RIC3: variants seen among roughly 807,000 people sequenced by gnomAD.
RIC3 encodes protein RIC-3.
Under a neutral mutation model 27.3 loss-of-function variants are expected in RIC3, and 28 were observed. That is an observed-to-expected ratio of 1.02 (90% CI 0.76 to 1.41). The LOEUF (loss-of-function observed/expected upper bound fraction) is 1.41. RIC3 is among the 40% of genes most tolerant of loss of function. The pLI, the probability that RIC3 is intolerant of heterozygous loss-of-function variation, is 0.00. For synonymous variants in RIC3, 184 were observed against 160.4 expected (o/e 1.15, Z -1.11); for missense variants, 501 against 444.7 (o/e 1.13, Z -1.14).
intron 1 of RIC3, among the ~76,000 whole-genome samples, chr11:8,144,939 C>CA (rs1374105364): frequency 7.1e-6 from 1 of 141,182 alleles, no homozygotes; most frequent in East Asian, 2.1e-4. Context: ...AACAAAAAAC[C>CA]AAACACCGCA....
the RIC3 span, among the ~76,000 whole-genome samples, chr11:8,099,159 G>A: frequency 1.3e-5 from 2 of 152,010 alleles, no homozygotes; most frequent in Admixed American, 6.5e-5. Flanking sequence ...GGAGACGGTC[G>A]CCCTGGGTTC....
chr11:8,135,164 G>A (rs1948239407), intron 4 of RIC3, among the ~76,000 whole-genome samples: 1 of 152,152 alleles, frequency 6.6e-6, no homozygotes, highest in African/African-American at 2.4e-5. Context: ...TTTGTATAAG[G>A]TGTAAGGAAG....
chr11:8,152,054 C>A (rs1950290043), intron 1 of RIC3, among the ~76,000 whole-genome samples: 1 of 152,098 alleles, frequency 6.6e-6, no homozygotes, highest in Non-Finnish European at 1.5e-5. Context: ...CGAGGAGATA[C>A]CACTTCACAC....
At position 8,156,923 on chromosome 11, in the gene RIC3, A is replaced by T. The variant is rs553660807; in HGVS notation, c.124+11943T>A. The stretch of plus-strand genomic sequence containing the variant: ...ACAAAAACAGGTAACATTTTCCACT[A>T]AACACCATCTCTATCCAATTTTATT... On this transcript the variant is annotated intron_variant, in intron 1 of 5. Transcript: ENST00000309737. Among the ~76,000 whole-genome samples, 25 of 152,322 alleles carry T rather than the reference A, an allele frequency of 1.6e-4. No individual in the cohort carries two copies. The South Asian group carries it at 5.2e-3, about 32-fold the overall frequency.
At chr11:8,101,114 A>G, downstream of RIC3, 1 of 1,254,026 alleles carries the variant, frequency 8.0e-7, no homozygotes, top group Non-Finnish European at 1.1e-6. Context: ...TGAGCTATAC[A>G]GCTAAGGTTA....
At chr11:8,144,251 A>C (rs912318433) in intron 1 of RIC3, among the ~76,000 whole-genome samples, 3 of 150,634 alleles carry the variant, frequency 2.0e-5, no homozygotes, top group Admixed American at 6.6e-5. Context: ...CAACCTACAA[A>C]ATGGGAGAAA....
At chr11:8,163,048 C>T (rs1255565367) in intron 1 of RIC3, among the ~76,000 whole-genome samples, 11 of 129,486 alleles carry the variant, frequency 8.5e-5, no homozygotes, top group Non-Finnish European at 1.5e-4. Flanking sequence ...CACACACACA[C>T]ACATACACAC....
At chr11:8,101,608 G>A, downstream of RIC3, 1 of 1,614,232 alleles carries the variant, frequency 6.2e-7, no homozygotes, top group South Asian at 1.1e-5. Flanking sequence ...CAGCAAGCTG[G>A]CGTGCGAGTA....
intron 4 of RIC3, among the ~76,000 whole-genome samples, chr11:8,133,684 C>A (rs1377451640): frequency 6.6e-6 from 1 of 152,162 alleles, no homozygotes. Context: ...TGAGACAGTA[C>A]AACTCCAGAT....
chr11:8,136,970 T>C (rs2133856618), intron 4 of RIC3, among the ~76,000 whole-genome samples: 1 of 152,276 alleles, frequency 6.6e-6, no homozygotes, highest in African/African-American at 2.4e-5. Context: ...TGACAGTACA[T>C]AAAATGAAAA....
At position 8,110,761 on chromosome 11, in the gene RIC3, G is replaced by T. The variant is rs770980886; in HGVS notation, c.1047C>A (p.Ile349=). Reference sequence around the variant, plus strand: ...TGCCTGTATATGCTTTATCGGTGCTGATGCCCAACCCTTCATCTTTAAAGT... The same window carrying T: ...TGCCTGTATATGCTTTATCGGTGCTTATGCCCAACCCTTCATCTTTAAAGT... The part of the protein sequence containing the change: ...SQDFKDEGLG[I]STDKAYTGSM... Residue 349 remains isoleucine, a synonymous_variant, in exon 6 of 6, where the codon ATC becomes ATA. Transcript: ENST00000309737. 8.1e-6 allele frequency: 13 copies of T among 1,614,210 alleles called. No individual in the cohort carries two copies. Among genetic ancestry groups the T allele is most frequent in the Non-Finnish European group, 1.1e-5 (13 of 1,180,038 alleles).
chr11:8,120,568 C>A (rs552806795), intron 5 of RIC3, among the ~76,000 whole-genome samples: 1 of 152,040 alleles, frequency 6.6e-6, no homozygotes. Flanking sequence ...AGGAGAAATA[C>A]CTAATGTAAA....
At chr11:8,160,171 G>C (rs891820504) in intron 1 of RIC3, among the ~76,000 whole-genome samples, 3 of 152,092 alleles carry the variant, frequency 2.0e-5, no homozygotes, top group African/African-American at 7.2e-5. Flanking sequence ...TGTTTTTAGA[G>C]ATGCATACTG....
chr11:8,133,981 CTTTT>C (rs879399283), intron 4 of RIC3, among the ~76,000 whole-genome samples: 1 of 145,116 alleles, frequency 6.9e-6, no homozygotes, highest in African/African-American at 2.5e-5. Flanking sequence ...CTATGGTTTT[CTTTT>C]TTTTTTTAAT....
intron 5 of RIC3, among the ~76,000 whole-genome samples, chr11:8,122,219 G>A (rs1272402848): frequency 6.6e-6 from 1 of 152,066 alleles, no homozygotes; most frequent in Non-Finnish European, 1.5e-5. Flanking sequence ...CCCTTATGTT[G>A]CCCTTTCATG....
At chr11:8,130,823 A>G (rs1261051889) in intron 4 of RIC3, among the ~76,000 whole-genome samples, 2 of 152,180 alleles carry the variant, frequency 1.3e-5, no homozygotes, top group Admixed American at 1.3e-4. Flanking sequence ...CAGAGGCAAA[A>G]AGGTACAGGT....
chr11:8,098,876 G>T, the RIC3 span: 1 of 1,608,736 alleles, frequency 6.2e-7, no homozygotes, highest in Admixed American at 1.7e-5. Context: ...TGTGTGCTAC[G>T]TGAGTCCTAG....
intron 3 of RIC3, among the ~76,000 whole-genome samples, chr11:8,137,865 C>A (rs577693014): frequency 2.8e-5 from 4 of 142,098 alleles, no homozygotes; most frequent in Non-Finnish European, 4.7e-5. Context: ...CTAGAGAACA[C>A]AGAATATTCT....
At chr11:8,137,890 T>C (rs1948605313) in intron 3 of RIC3, among the ~76,000 whole-genome samples, 1 of 152,210 alleles carries the variant, frequency 6.6e-6, no homozygotes, top group Non-Finnish European at 1.5e-5. Flanking sequence ...GTATAATAAG[T>C]ATCTGATGGC....
Sources: gnomAD v4.1 joint callset for allele counts (sites outside exome capture counted in the v4.1 genomes callset) on GRCh38, gnomAD v4.1.1 for gene constraint, MANE v1.5 for transcripts, NCBI Gene and HGNC (gene_info 2026-07-23, HGNC 2026-07-21) for gene names.